The following NBEA variants were observed in gnomAD, a reference collection of about 807,000 sequenced individuals.
NBEA encodes neurobeachin, also known as lysosomal-trafficking regulator 2.
Under a neutral mutation model 343.4 loss-of-function variants are expected in NBEA, and 44 were observed. The observed-to-expected ratio is 0.13, with a 90% confidence interval of 0.10 to 0.16. The LOEUF (loss-of-function observed/expected upper bound fraction) is 0.16, where lower values mean the gene tolerates loss of function less well. NBEA is among the 10% of genes least tolerant of loss of function. The probability of loss-of-function intolerance (pLI) is 1.00; values close to 1 mark genes in which losing one functional copy is unlikely to be tolerated. For missense variants in NBEA, 2,555 were observed against 3,631.3 expected, an observed-to-expected ratio of 0.70 and a Z score of 7.62; for synonymous variants, 1,175 against 1,238.7, an observed-to-expected ratio of 0.95 and a Z score of 1.08.
chr13:35,034,039 A>G (rs1292039557), intron 1 of NBEA, among the ~76,000 whole-genome samples: 1 of 151,820 alleles, frequency 6.6e-6, no homozygotes, highest in Non-Finnish European at 1.5e-5. Context: ...TTCCAGGACT[A>G]TGTTGAATAA....
rs1253509889 is a variant in NBEA at position 35,167,710 on chromosome 13, T to G, written c.4234-1277T>G. Among the ~76,000 whole-genome samples, 5 of 151,896 alleles carry G rather than the reference T, an allele frequency of 3.3e-5. No homozygotes were observed. The East Asian group carries it at 5.8e-4, about 18-fold the overall frequency. On this transcript the variant is annotated intron_variant, in intron 24 of 58. Coordinates refer to ENST00000379939, the MANE Select transcript of NBEA (RefSeq NM_001385012.1). ...GCAGCATTATTTTTGTTGTTGTTGA[T>G]TTTTTTAGTTGATGTTTCTGTGACT...
chr13:35,451,994 C>T (rs2046335910), intron 39 of NBEA, 98 bp from the exon 40 acceptor site: 1 of 840,472 alleles, frequency 1.2e-6, no homozygotes, highest in Non-Finnish European at 1.9e-6. Context: ...TATGTAAATG[C>T]AGCATATAAT....
At position 35,174,564 on chromosome 13, in the gene NBEA, G is replaced by A. The variant is rs73505603; in HGVS notation, c.4554+970G>A. On this transcript the variant is annotated intron_variant, in intron 27 of 58. Transcript: ENST00000379939. ...TGACCACATATTTATCCTATTCGTT[G>A]GTTATTTGCAGTGTTGTAACTTTTT... Among the ~76,000 whole-genome samples the A allele has an allele frequency of 6.4e-3, 980 of 152,082 alleles. 11 individuals are homozygous for A. The highest frequency in any genetic ancestry group is 0.023 in the African/African-American group (939 of 41,478).
At chr13:35,370,737 C>T (rs1000505770) in intron 38 of NBEA, among the ~76,000 whole-genome samples, 1 of 151,968 alleles carries the variant, frequency 6.6e-6, no homozygotes. Flanking sequence ...CAGGTATTTT[C>T]ATGATTGGAG....
chr13:35,049,751 T>C (rs1256776203), intron 5 of NBEA, among the ~76,000 whole-genome samples: 5 of 151,890 alleles, frequency 3.3e-5, no homozygotes, highest in African/African-American at 9.7e-5. Context: ...AGAAAACAAC[T>C]ATATTTCATA....
At chr13:35,337,466 T>C (rs2039332742) in intron 36 of NBEA, among the ~76,000 whole-genome samples, 1 of 152,108 alleles carries the variant, frequency 6.6e-6, no homozygotes, top group South Asian at 2.1e-4. Context: ...GTTTTAAAAA[T>C]ATATGCACTT....
At chr13:35,161,719 T>C in intron 22 of NBEA, 31 bp from the exon 23 acceptor site, 1 of 1,534,700 alleles carries the variant, frequency 6.5e-7, no homozygotes, top group Non-Finnish European at 8.9e-7. Context: ...TTCTTTTGTA[T>C]TCCACAAAAG....
intron 48 of NBEA, among the ~76,000 whole-genome samples, chr13:35,607,536 A>G (rs1025456893): frequency 5.3e-5 from 8 of 152,158 alleles, no homozygotes; most frequent in East Asian, 3.8e-4. Context: ...AATAAAACCA[A>G]TGACGCCAAA....
At chr13:35,289,132 A>C (rs2035632230) in intron 34 of NBEA, among the ~76,000 whole-genome samples, 1 of 151,918 alleles carries the variant, frequency 6.6e-6, no homozygotes, top group African/African-American at 2.4e-5. Flanking sequence ...TAGTGTCTAG[A>C]AGGCATTTGA....
At chr13:35,021,444 T>A (rs993180467) in intron 1 of NBEA, among the ~76,000 whole-genome samples, 3 of 152,172 alleles carry the variant, frequency 2.0e-5, no homozygotes, top group Admixed American at 6.5e-5. Context: ...TAGTTTTAGA[T>A]TATTTACATT....
chr13:35,161,675 A>G (rs2069572071), intron 22 of NBEA, 75 bp from the exon 23 acceptor site: 12 of 1,193,550 alleles, frequency 1.0e-5, no homozygotes, highest in Non-Finnish European at 1.4e-5. Context: ...TATTCACTTT[A>G]CTATACTCAC....
chr13:35,441,738 A>T (rs543891679), intron 39 of NBEA, among the ~76,000 whole-genome samples: 1 of 152,068 alleles, frequency 6.6e-6, no homozygotes, highest in East Asian at 1.9e-4. Flanking sequence ...TGCATATGCT[A>T]TCTGCAAGAT....
chr13:35,549,957 C>G (rs1477849406), intron 41 of NBEA, among the ~76,000 whole-genome samples: 1 of 152,186 alleles, frequency 6.6e-6, no homozygotes, highest in African/African-American at 2.4e-5. Flanking sequence ...TTTCATGTTA[C>G]AATGGCAAAA....
At chr13:35,515,042 G>A (rs148271224) in intron 41 of NBEA, among the ~76,000 whole-genome samples, 4 of 152,224 alleles carry the variant, frequency 2.6e-5, no homozygotes, top group African/African-American at 7.2e-5. Flanking sequence ...TTCAAAGAAC[G>A]GGCAGTGAAA....
intron 1 of NBEA, among the ~76,000 whole-genome samples, chr13:35,000,593 AAC>A (rs58091499): frequency 8.6e-4 from 127 of 147,806 alleles, no homozygotes; most frequent in East Asian, 7.6e-3. Flanking sequence ...TAATATATAT[AAC>A]ACACACACAC....
At chr13:35,249,349 A>G (rs2031670752) in intron 34 of NBEA, among the ~76,000 whole-genome samples, 1 of 152,178 alleles carries the variant, frequency 6.6e-6, no homozygotes, top group Non-Finnish European at 1.5e-5. Context: ...GAAAGGGAGA[A>G]AATATTGCAC....
At chr13:35,032,298 C>T (rs1345539703) in intron 1 of NBEA, among the ~76,000 whole-genome samples, 1 of 151,850 alleles carries the variant, frequency 6.6e-6, no homozygotes, top group Admixed American at 6.6e-5. Context: ...TTCTTTACAA[C>T]TTCACCAGCA....
At chr13:35,185,912 G>A (rs906866932) in intron 30 of NBEA, 1 of 151,976 alleles carries the variant, frequency 6.6e-6, no homozygotes, top group African/African-American at 2.4e-5. Flanking sequence ...GCTTCCAAAC[G>A]GGGAAAGATA....
At chr13:35,636,908 CTGAG>C (rs1332013875) in intron 49 of NBEA, among the ~76,000 whole-genome samples, 1 of 152,188 alleles carries the variant, frequency 6.6e-6, no homozygotes, top group Non-Finnish European at 1.5e-5. Flanking sequence ...AGTTCTCTTC[CTGAG>C]TATCAACAAA....
Sources: allele counts gnomAD v4.1 joint callset (sites outside exome capture counted in the v4.1 genomes callset), GRCh38; gene constraint gnomAD v4.1.1; transcripts MANE v1.5; gene names NCBI Gene and HGNC (gene_info 2026-07-23, HGNC 2026-07-21).